Variants in FRK observed in about 807,000 individuals in gnomAD.
The protein encoded by FRK is tyrosine-protein kinase FRK.
Under a neutral mutation model 56.4 loss-of-function variants are expected in FRK, and 51 were observed. That is an observed-to-expected ratio of 0.90 (90% CI 0.72 to 1.14). The LOEUF (loss-of-function observed/expected upper bound fraction) is 1.14. Among genes scored for constraint, FRK ranks in the 50% most tolerant of loss-of-function variants. The pLI, the probability that FRK is intolerant of heterozygous loss-of-function variation, is 0.00. For missense variants in FRK, 570 were observed against 601.4 expected (o/e 0.95, Z 0.55); for synonymous variants, 245 against 217.9 (o/e 1.12, Z -1.10).
intron 2 of FRK, among the ~76,000 whole-genome samples, chr6:115,984,564 T>C (rs192814297): frequency 3.3e-5 from 5 of 152,180 alleles, no homozygotes; most frequent in South Asian, 4.2e-4. Context: ...TTGATGGATA[T>C]GTAGATAAAC....
intron 1 of FRK, among the ~76,000 whole-genome samples, chr6:116,009,580 C>A (rs1037610790): frequency 3.3e-5 from 5 of 152,134 alleles, no homozygotes; most frequent in African/African-American, 1.2e-4. Context: ...AAAAAATAAT[C>A]TTTATTGACA....
intron 3 of FRK, 77 bp from the exon 4 acceptor site, chr6:115,967,796 C>T (rs1473923243): frequency 8.8e-7 from 1 of 1,136,818 alleles, no homozygotes; most frequent in Admixed American, 2.9e-5. Flanking sequence ...AAATAATAGT[C>T]TAGGTACTTT....
the FRK span, among the ~76,000 whole-genome samples, chr6:116,085,186 A>G: frequency 6.6e-6 from 1 of 152,218 alleles, no homozygotes; most frequent in Non-Finnish European, 1.5e-5. Flanking sequence ...GAAAAAATAC[A>G]ATGAAGTAGG....
At chr6:116,028,012 T>C (rs1345930781) in intron 1 of FRK, among the ~76,000 whole-genome samples, 1 of 152,048 alleles carries the variant, frequency 6.6e-6, no homozygotes, top group Non-Finnish European at 1.5e-5. Flanking sequence ...ATATGGTAGG[T>C]AGAAACTGAC....
rs1195485135 is a variant in FRK at position 115,939,568 on chromosome 6, G to A, written c.*2846C>T. On this transcript the variant is annotated 3_prime_UTR_variant, in exon 8 of 8. Transcript: ENST00000606080. ...TCTCTGTTTGCAGATGATATGAATT[G>A]TATATATAGGGAACCCCACCATCTC... 3 of 152,126 alleles carry A rather than the reference G, an allele frequency of 2.0e-5. No homozygotes were observed. Among genetic ancestry groups the A allele is most frequent in the Admixed American group, 2.0e-4 (3 of 15,280 alleles). 9.4% of individuals were successfully genotyped at this position (152,126 alleles called of 1,614,324 possible). A position where few individuals can be genotyped will look rare whatever the true frequency, so the allele number is the denominator to read the frequency against.
At chr6:115,955,322 G>C (rs955431127) in intron 5 of FRK, among the ~76,000 whole-genome samples, 2 of 152,082 alleles carry the variant, frequency 1.3e-5, no homozygotes. Context: ...GCTGTCGATA[G>C]ATCTGAGGAT....
chr6:116,003,965 T>C lies in FRK; in HGVS notation c.378A>G (p.Ala126=). The change falls in exon 2 of 8, where the codon GCA becomes GCG. Residue 126 remains alanine (A), a synonymous_variant. Transcript: ENST00000606080. ...TTTCTGAATATAATAGTTGTTTCTC[T>C]GCATCTGATCTTCCGATTGCTCCAA... ...WFFGAIGRSD[A]EKQLLYSENK... is the part of the protein sequence containing the mutation. 2 of 1,613,150 alleles carry C rather than the reference T, an allele frequency of 1.2e-6. No individual in the cohort carries two copies. Among genetic ancestry groups the C allele is most frequent in the Non-Finnish European group, 1.7e-6 (2 of 1,179,360 alleles).
At chr6:115,944,572 T>C in intron 5 of FRK, 147 bp from the exon 6 acceptor site, 1 of 556,346 alleles carries the variant, frequency 1.8e-6, no homozygotes, top group Non-Finnish European at 3.1e-6. Context: ...TATTTATCAT[T>C]AATACAACTT....
the FRK span, among the ~76,000 whole-genome samples, chr6:116,097,058 G>C: frequency 6.6e-6 from 1 of 152,038 alleles, no homozygotes; most frequent in African/African-American, 2.4e-5. Context: ...TCTTCTTGTG[G>C]TAAGAACAGA....
intron 1 of FRK, among the ~76,000 whole-genome samples, chr6:116,054,713 G>A (rs1777325349): frequency 6.6e-6 from 1 of 151,154 alleles, no homozygotes; most frequent in Admixed American, 6.6e-5. Context: ...TTTGACACAT[G>A]GGCATTTAGT....
Position 116,000,240 on chromosome 6 carries a change from T to C in FRK, c.466+3637A>G, listed in dbSNP as rs1385012554. ...CATTCTTTCTTTTTTTTTTTTTTTTTTTTTTTTTTTTTTTTTTTTTGAGAC... is the reference window on the plus strand; with the variant it reads ...CATTCTTTCTTTTTTTTTTTTTTTTCTTTTTTTTTTTTTTTTTTTTGAGAC... On this transcript the variant is annotated intron_variant, in intron 2 of 7. Coordinates refer to ENST00000606080, the MANE Select transcript of FRK (RefSeq NM_002031.3). Among the ~76,000 whole-genome samples the C allele has an allele frequency of 8.7e-4, 40 of 46,178 alleles. 1 individual carries two copies. The highest frequency in any genetic ancestry group is 1.6e-3 in the Non-Finnish European group (36 of 22,150). 30.3% of individuals were successfully genotyped at this position (46,178 alleles called of 152,430 possible).
intron 1 of FRK, among the ~76,000 whole-genome samples, chr6:116,006,703 G>T (rs902757329): frequency 6.6e-6 from 1 of 152,188 alleles, no homozygotes; most frequent in African/African-American, 2.4e-5. Flanking sequence ...TGCACCTATA[G>T]TCACAGGAAC....
chr6:116,026,621 T>G (rs1776103618), intron 1 of FRK, among the ~76,000 whole-genome samples: 2 of 151,854 alleles, frequency 1.3e-5, no homozygotes, highest in African/African-American at 4.8e-5. Flanking sequence ...CATTAGGTTT[T>G]GTTTTTTTTT....
chr6:116,100,669 G>A, the FRK span, among the ~76,000 whole-genome samples: 3 of 152,256 alleles, frequency 2.0e-5, no homozygotes, highest in South Asian at 2.1e-4. Context: ...AGGAGTCGCC[G>A]GCATTGGGGT....
chr6:115,976,901 A>G (rs1774011352), intron 2 of FRK, among the ~76,000 whole-genome samples: 1 of 152,188 alleles, frequency 6.6e-6, no homozygotes, highest in East Asian at 1.9e-4. Context: ...AAAGAGAGGC[A>G]GTTCCAAAGT....
rs186661984 is a variant in FRK at position 116,047,669 on chromosome 6, T to G, written c.344+12299A>C. Among the ~76,000 whole-genome samples, 3 of 121,560 alleles carry G rather than the reference T, an allele frequency of 2.5e-5. No homozygotes were observed. In the East Asian group the frequency reaches 7.2e-4, roughly 29 times the overall value. The allele number at this position is 121,560 out of a possible 152,430, so 79.7% of individuals were successfully genotyped here. On this transcript the variant is annotated intron_variant, in intron 1 of 7. Transcript: ENST00000606080. Reference sequence around the variant, plus strand: ...GAGTCTGAAGGTTACCACTTTGGGATAGTATCTGCTGATCTTAGCTGGGCT... The same window carrying G: ...GAGTCTGAAGGTTACCACTTTGGGAGAGTATCTGCTGATCTTAGCTGGGCT...
At chr6:116,074,935 A>G in the FRK span, among the ~76,000 whole-genome samples, 1 of 152,066 alleles carries the variant, frequency 6.6e-6, no homozygotes, top group Non-Finnish European at 1.5e-5. Context: ...TAGGGTTACA[A>G]TCTGGGAAGC....
chr6:115,989,312 CA>C (rs1310604493), intron 2 of FRK, among the ~76,000 whole-genome samples: 1 of 151,742 alleles, frequency 6.6e-6, no homozygotes, highest in Non-Finnish European at 1.5e-5. Context: ...ATTTTAGATT[CA>C]GGGGGTACAT....
chr6:115,979,189 G>T (rs567567), intron 2 of FRK, among the ~76,000 whole-genome samples: 150,160 of 152,284 alleles, frequency 0.99, 74,069 homozygotes, highest in East Asian at 1. Context: ...TCATAGGAGA[G>T]GACAGCTCCA....
Sources: gnomAD v4.1 joint callset for allele counts (sites outside exome capture counted in the v4.1 genomes callset) on GRCh38, gnomAD v4.1.1 for gene constraint, MANE v1.5 for transcripts, NCBI Gene and HGNC (gene_info 2026-07-23, HGNC 2026-07-21) for gene names.